Variants in GRID1 observed in about 807,000 individuals in gnomAD.
GRID1 encodes the protein glutamate ionotropic receptor delta type subunit 1, also known as glutamate receptor ionotropic, delta-1.
Under a neutral mutation model 98.0 loss-of-function variants are expected in GRID1, and 28 were observed. The observed-to-expected ratio is 0.29, with a 90% CI of 0.21 to 0.39. The LOEUF (loss-of-function observed/expected upper bound fraction) is 0.39. Ranked by LOEUF, GRID1 falls within the 10% of genes least tolerant of loss-of-function variation. The pLI is 1.00. For missense variants in GRID1, 1,111 were observed against 1,340.5 expected, an observed-to-expected ratio of 0.83 and a Z score of 2.67; for synonymous variants, 553 against 538.5, an observed-to-expected ratio of 1.03 and a Z score of -0.37.
chr10:85,867,730 C>A (rs374926820), intron 6 of GRID1, among the ~76,000 whole-genome samples: 5 of 152,204 alleles, frequency 3.3e-5, no homozygotes, highest in African/African-American at 1.2e-4. Context: ...ACTCTCTTGG[C>A]CACCCCTCCA....
At chr10:85,770,450 G>A (rs11599332) in intron 8 of GRID1, among the ~76,000 whole-genome samples, 10,173 of 152,286 alleles carry the variant, frequency 0.067, 404 homozygotes, top group Middle Eastern at 0.14. Flanking sequence ...AGCTCCTCAT[G>A]AGCAACGGAA....
intron 13 of GRID1, among the ~76,000 whole-genome samples, chr10:85,641,465 G>C (rs1199213791): frequency 6.6e-6 from 1 of 152,218 alleles, no homozygotes; most frequent in Non-Finnish European, 1.5e-5. Flanking sequence ...GAAGGAAATA[G>C]AGGCACAAGC....
At chr10:86,066,888 C>T (rs1008539203) in intron 4 of GRID1, among the ~76,000 whole-genome samples, 7 of 152,158 alleles carry the variant, frequency 4.6e-5, no homozygotes, top group Admixed American at 6.5e-5. Flanking sequence ...GTAGGGGCCG[C>T]GCCGGCACAA....
At chr10:85,883,964 A>T (rs1241638241) in intron 5 of GRID1, among the ~76,000 whole-genome samples, 1 of 152,198 alleles carries the variant, frequency 6.6e-6, no homozygotes, top group East Asian at 1.9e-4. Flanking sequence ...ATCTCTCATC[A>T]GGCTCCACAT....
intron 12 of GRID1, among the ~76,000 whole-genome samples, chr10:85,702,676 G>A (rs1841465870): frequency 6.6e-6 from 1 of 151,958 alleles, no homozygotes; most frequent in Non-Finnish European, 1.5e-5. Flanking sequence ...AAGCACAAGA[G>A]AGGAGAAAAA....
At chr10:86,148,678 T>C (rs912770829) in intron 3 of GRID1, among the ~76,000 whole-genome samples, 9 of 152,168 alleles carry the variant, frequency 5.9e-5, no homozygotes, top group African/African-American at 2.2e-4. Context: ...GAGTTAGCCA[T>C]TCCACAATGT....
intron 8 of GRID1, among the ~76,000 whole-genome samples, chr10:85,735,384 G>A (rs942424415): frequency 3.9e-5 from 6 of 152,158 alleles, no homozygotes; most frequent in Non-Finnish European, 7.4e-5. Flanking sequence ...TCACTTGAAA[G>A]GAGATATATG....
intron 8 of GRID1, among the ~76,000 whole-genome samples, chr10:85,843,802 G>A (rs767830125): frequency 5.3e-5 from 8 of 152,132 alleles, no homozygotes; most frequent in Non-Finnish European, 8.8e-5. Context: ...AGGTGAGGAT[G>A]TAGAGGCATT....
At chr10:85,924,507 C>A (rs1841748452) in intron 4 of GRID1, among the ~76,000 whole-genome samples, 1 of 152,186 alleles carries the variant, frequency 6.6e-6, no homozygotes, top group South Asian at 2.1e-4. Context: ...ATTGTTTCTT[C>A]ATTTGTACTG....
chr10:85,957,007 T>A (rs1249882659), intron 4 of GRID1, among the ~76,000 whole-genome samples: 1 of 152,178 alleles, frequency 6.6e-6, no homozygotes, highest in African/African-American at 2.4e-5. Context: ...CACATCCTTC[T>A]TCACATGGTG....
At chr10:85,828,891 T>C (rs1337593928) in intron 8 of GRID1, among the ~76,000 whole-genome samples, 5 of 152,304 alleles carry the variant, frequency 3.3e-5, no homozygotes, top group African/African-American at 1.2e-4. Context: ...AAAGAAGAGC[T>C]GGTAATATTG....
intron 15 of GRID1, among the ~76,000 whole-genome samples, chr10:85,609,254 G>A (rs1842706765): frequency 6.6e-6 from 1 of 152,190 alleles, no homozygotes; most frequent in African/African-American, 2.4e-5. Flanking sequence ...GGGCTAACAA[G>A]ATTGCTCAGC....
chr10:85,921,060 A>C (rs1841696564), intron 4 of GRID1, among the ~76,000 whole-genome samples: 1 of 152,186 alleles, frequency 6.6e-6, no homozygotes, highest in East Asian at 1.9e-4. Flanking sequence ...TCAGAAGAAG[A>C]ATTAAGGATG....
intron 12 of GRID1, among the ~76,000 whole-genome samples, chr10:85,678,535 G>A (rs2132593307): frequency 6.6e-6 from 1 of 152,160 alleles, no homozygotes. Context: ...GGTGGCCCAG[G>A]GAGAGGTCCC....
intron 12 of GRID1, among the ~76,000 whole-genome samples, chr10:85,679,646 G>C (rs893051368): frequency 6.6e-6 from 1 of 152,206 alleles, no homozygotes; most frequent in Non-Finnish European, 1.5e-5. Context: ...GGGAGCCCTG[G>C]TCTGTTAGAC....
chr10:86,174,020 A>G (rs558268810), intron 3 of GRID1, among the ~76,000 whole-genome samples: 7 of 152,130 alleles, frequency 4.6e-5, no homozygotes, highest in Non-Finnish European at 1.0e-4. Flanking sequence ...TATTGTGAAT[A>G]GTGCCACAAT....
chr10:86,341,755 G>C (rs1202456215), intron 2 of GRID1, among the ~76,000 whole-genome samples: 1 of 152,228 alleles, frequency 6.6e-6, no homozygotes, highest in Non-Finnish European at 1.5e-5. Context: ...TGTCTGCCCA[G>C]AGAGGGGCCC....
At chr10:86,121,413 CATCATT>C in intron 4 of GRID1, among the ~76,000 whole-genome samples, 1 of 151,894 alleles carries the variant, frequency 6.6e-6, no homozygotes, top group South Asian at 2.1e-4. Flanking sequence ...TCATCAACAC[CATCATT>C]ATCACCATTA....
chr10:85,995,268 T>C, intron 4 of GRID1, among the ~76,000 whole-genome samples: 1 of 152,184 alleles, frequency 6.6e-6, no homozygotes. Flanking sequence ...TCCTGTATTT[T>C]ATTTCTGGGT....
Sources: gnomAD v4.1 joint callset for allele counts (sites outside exome capture counted in the v4.1 genomes callset) on GRCh38, gnomAD v4.1.1 for gene constraint, MANE v1.5 for transcripts, NCBI Gene and HGNC (gene_info 2026-07-23, HGNC 2026-07-21) for gene names.